Variants in LRBA observed in about 807,000 individuals in gnomAD.
The protein encoded by LRBA is LPS responsive beige-like anchor protein.
Under a neutral mutation model 330.0 loss-of-function variants are expected in LRBA, and 176 were observed. The ratio of observed to expected loss-of-function variants is 0.53; its 90% CI spans 0.47 to 0.60. The LOEUF (loss-of-function observed/expected upper bound fraction) is 0.60. Ranked by LOEUF, LRBA falls within the 20% of genes least tolerant of loss-of-function variation. LRBA has a pLI of 0.00. For missense variants in LRBA, 3,259 were observed against 3,444.8 expected, an observed-to-expected ratio of 0.95 and a Z score of 1.35; for synonymous variants, 1,230 against 1,193.0, an observed-to-expected ratio of 1.03 and a Z score of -0.64.
chr4:150,617,532 C>T (rs1220027268), intron 37 of LRBA, among the ~76,000 whole-genome samples: 1 of 152,110 alleles, frequency 6.6e-6, no homozygotes, highest in African/African-American at 2.4e-5. Flanking sequence ...ATCCCAGCTA[C>T]TCCAGAGGCT....
chr4:150,478,968 A>G (rs1757006652), intron 42 of LRBA, among the ~76,000 whole-genome samples: 2 of 152,152 alleles, frequency 1.3e-5, no homozygotes, highest in African/African-American at 4.8e-5. Context: ...GTGAAAATCT[A>G]TTTAAGAAAC....
chr4:150,745,731 T>TTCTCGA (rs1293386034), intron 35 of LRBA, among the ~76,000 whole-genome samples: 1 of 152,124 alleles, frequency 6.6e-6, no homozygotes, highest in African/African-American at 2.4e-5. Flanking sequence ...GGCCAGGATG[T>TTCTCGA]TCTCGATCTC....
At chr4:150,761,910 C>G in intron 34 of LRBA, 63 bp from the exon 35 acceptor site, 3 of 835,314 alleles carry the variant, frequency 3.6e-6, no homozygotes, top group Non-Finnish European at 5.7e-6. Context: ...TCTTTTAAAA[C>G]AATAATAATG....
intron 37 of LRBA, among the ~76,000 whole-genome samples, chr4:150,680,990 T>TAA (rs200831537): frequency 1.4e-4 from 21 of 151,968 alleles, no homozygotes; most frequent in African/African-American, 4.3e-4. Context: ...AGGGTCAAAA[T>TAA]AAAAAAAATG....
intron 36 of LRBA, among the ~76,000 whole-genome samples, chr4:150,722,160 A>G (rs996094490): frequency 5.3e-5 from 8 of 152,140 alleles, no homozygotes; most frequent in Non-Finnish European, 8.8e-5. Flanking sequence ...GCTAAATCCA[A>G]TTTGGAAAAA....
intron 2 of LRBA, among the ~76,000 whole-genome samples, chr4:151,007,232 T>C (rs1296522540): frequency 6.6e-6 from 1 of 152,204 alleles, no homozygotes; most frequent in African/African-American, 2.4e-5. Flanking sequence ...CCGGGTGCAG[T>C]GGCTCACGCC....
chr4:150,434,763 A>G (rs1750883544), intron 46 of LRBA, among the ~76,000 whole-genome samples: 1 of 152,008 alleles, frequency 6.6e-6, no homozygotes. Context: ...AGGCAGGAGG[A>G]TCACTTGAGC....
At chr4:150,909,682 G>A (rs1390589533) in intron 9 of LRBA, among the ~76,000 whole-genome samples, 1 of 152,116 alleles carries the variant, frequency 6.6e-6, no homozygotes, top group Non-Finnish European at 1.5e-5. Context: ...TATCCCATAA[G>A]TGAGATTACT....
chr4:150,775,952 A>G (rs1415411799), intron 34 of LRBA, among the ~76,000 whole-genome samples: 1 of 152,084 alleles, frequency 6.6e-6, no homozygotes, highest in African/African-American at 2.4e-5. Flanking sequence ...AAAAAAAAGA[A>G]AGAAAAATAT....
At chr4:150,600,995 C>T (rs1774055731) in intron 37 of LRBA, among the ~76,000 whole-genome samples, 1 of 152,142 alleles carries the variant, frequency 6.6e-6, no homozygotes, top group Non-Finnish European at 1.5e-5. Flanking sequence ...GGGAATGATA[C>T]AATGAGGGTC....
At chr4:150,564,069 T>C (rs1258425919) in intron 40 of LRBA, among the ~76,000 whole-genome samples, 2 of 152,012 alleles carry the variant, frequency 1.3e-5, no homozygotes, top group African/African-American at 4.8e-5. Context: ...AAAGAGCCCA[T>C]ATAGCCAAGA....
chr4:150,496,578 C>CA (rs951568290), intron 40 of LRBA, among the ~76,000 whole-genome samples: 41 of 151,234 alleles, frequency 2.7e-4, no homozygotes, highest in African/African-American at 7.3e-4. Flanking sequence ...TGTTTTACCT[C>CA]AAAAAAAAGA....
chr4:150,359,955 GGGTGA>G (rs1738441836), intron 47 of LRBA, among the ~76,000 whole-genome samples: 2 of 150,266 alleles, frequency 1.3e-5, no homozygotes, highest in African/African-American at 4.9e-5. Context: ...ACTCCAGCCT[GGGTGA>G]CAGAGCAAGA....
chr4:150,344,189 C>T (rs1042655960), intron 48 of LRBA, among the ~76,000 whole-genome samples: 3 of 152,054 alleles, frequency 2.0e-5, no homozygotes, highest in Admixed American at 6.5e-5. Context: ...CAACTGCTGG[C>T]GCATATAAAG....
At position 150,724,378 on chromosome 4, in the gene LRBA, C is replaced by T. The variant is rs139854596; in HGVS notation, c.5754+10880G>A. 2.8e-3 allele frequency among the ~76,000 whole-genome samples: 423 copies of T among 152,270 alleles called. 2 individuals carry two copies. The highest frequency in any genetic ancestry group is 7.1e-3 in the African/African-American group (293 of 41,558). ...TAAGACCACCAAAATGGTACCTCTA[C>T]GAGTCAGCAAAAAACACAGCCTTAT... On this transcript the variant is annotated intron_variant, in intron 36 of 56. Transcript: ENST00000651943.
chr4:150,789,835 G>A lies in LRBA; in HGVS notation c.5580+8246C>T, dbSNP rs369942851. On this transcript the variant is annotated intron_variant, in intron 34 of 56. Coordinates refer to ENST00000651943, the MANE Select transcript of LRBA (RefSeq NM_001364905.1). The stretch of plus-strand genomic sequence containing the variant: ...CAAGCAATGATAGCTGAGAAACAGA[G>A]ACACTGATCTGTATTCTTTTTTTTT... Among the ~76,000 whole-genome samples, 3 of 152,100 alleles carry A rather than the reference G, an allele frequency of 2.0e-5. No homozygotes were observed. The East Asian group carries it at 5.8e-4, about 29-fold the overall frequency.
At chr4:150,281,333 G>GGCAGAATGT (rs1415132408) in intron 55 of LRBA, among the ~76,000 whole-genome samples, 1 of 152,094 alleles carries the variant, frequency 6.6e-6, no homozygotes, top group Non-Finnish European at 1.5e-5. Context: ...CGTGGAGGCC[G>GGCAGAATGT]GCAGAATGTG....
intron 37 of LRBA, among the ~76,000 whole-genome samples, chr4:150,631,717 A>T (rs1243397438): frequency 6.6e-6 from 1 of 152,186 alleles, no homozygotes; most frequent in Non-Finnish European, 1.5e-5. Flanking sequence ...ATATGAATCC[A>T]AGGTTTTAAG....
intron 34 of LRBA, among the ~76,000 whole-genome samples, chr4:150,777,034 G>A (rs552715810): frequency 5.3e-5 from 8 of 151,690 alleles, no homozygotes; most frequent in Admixed American, 1.3e-4. Flanking sequence ...TTAAGAATCT[G>A]TACTTTTTTT....
Sources: gnomAD v4.1 joint callset for allele counts (sites outside exome capture counted in the v4.1 genomes callset) on GRCh38, gnomAD v4.1.1 for gene constraint, MANE v1.5 for transcripts, NCBI Gene and HGNC (gene_info 2026-07-23, HGNC 2026-07-21) for gene names.